VTCN1: variants seen among roughly 807,000 people sequenced by gnomAD.
VTCN1 encodes the protein V-set domain-containing T-cell activation inhibitor 1.
In VTCN1, 26 loss-of-function variants were observed where a neutral mutation model predicts 26.5. The ratio of observed to expected loss-of-function variants is 0.98; its 90% CI spans 0.72 to 1.36. VTCN1 has a LOEUF of 1.36. Among genes scored for constraint, VTCN1 ranks in the 40% most tolerant of loss-of-function variants. The pLI is 0.00. For missense variants in VTCN1, 298 were observed against 337.7 expected, an observed-to-expected ratio of 0.88 and a Z score of 0.92; for synonymous variants, 116 against 130.7, an observed-to-expected ratio of 0.89 and a Z score of 0.77.
Position 117,147,905 on chromosome 1 carries a change from T to TG in VTCN1, c.725-124_725-123insC, listed in dbSNP as rs527856188. 4.5e-4 allele frequency: 597 copies of TG among 1,327,746 alleles called. 6 individuals are homozygous for TG. The African/African-American group carries it at 8.0e-3, about 18-fold the overall frequency. The allele number at this position is 1,327,746 out of a possible 1,614,324, so 82.2% of individuals were successfully genotyped here. The stretch of plus-strand genomic sequence containing the variant: ...AAGTTGTTCCTAATTCAGGCAATTT[T>TG]TTACCCCTTTGCCCACCTCTCCGTA... On this transcript the variant is annotated intron_variant, in intron 4 of 5. Transcript: ENST00000369458. The surrounding 1 kb of genome is among the most constrained non-coding windows in gnomAD (Gnocchi z 4.6).
chr1:117,151,749 T>A (rs1306268557), intron 4 of VTCN1, among the ~76,000 whole-genome samples: 2 of 152,246 alleles, frequency 1.3e-5, no homozygotes, highest in Non-Finnish European at 2.9e-5. Context: ...TTCTTTTTTT[T>A]AATTGTTTTG....
At chr1:117,199,225 C>CTTCT (rs35366183) in intron 1 of VTCN1, among the ~76,000 whole-genome samples, 137,468 of 152,008 alleles carry the variant, frequency 0.9, 62,847 homozygotes, top group Non-Finnish European at 0.97. Flanking sequence ...ATTAAACAGA[C>CTTCT]TTAAGTCTAT....
chr1:117,184,229 C>A (rs1647821418), intron 1 of VTCN1, among the ~76,000 whole-genome samples: 1 of 152,134 alleles, frequency 6.6e-6, no homozygotes, highest in Non-Finnish European at 1.5e-5. Context: ...TGCTGTGCAG[C>A]AGTCCAAGCT....
chr1:117,174,527 G>A (rs1168730200), intron 1 of VTCN1, among the ~76,000 whole-genome samples: 4 of 152,200 alleles, frequency 2.6e-5, no homozygotes, highest in Non-Finnish European at 1.5e-5. Context: ...AGCACTTTGG[G>A]AGGCCGAGGC....
chr1:117,208,615 C>A (rs1211125566), intron 1 of VTCN1, among the ~76,000 whole-genome samples: 1 of 152,124 alleles, frequency 6.6e-6, no homozygotes, highest in Non-Finnish European at 1.5e-5. Context: ...GGTTTTCTAC[C>A]CCTGTCCTCC....
intron 1 of VTCN1, among the ~76,000 whole-genome samples, chr1:117,195,063 C>T (rs1017549917): frequency 3.6e-5 from 5 of 139,196 alleles, no homozygotes; most frequent in Admixed American, 7.0e-5. Flanking sequence ...GTCAGGAGTT[C>T]GAGACCAGCC....
intron 1 of VTCN1, among the ~76,000 whole-genome samples, chr1:117,191,073 A>G (rs1012057675): frequency 6.6e-6 from 1 of 152,214 alleles, no homozygotes; most frequent in Non-Finnish European, 1.5e-5. Context: ...AGAAACAAAA[A>G]CCATAAAGAA....
intron 1 of VTCN1, among the ~76,000 whole-genome samples, chr1:117,172,633 G>A (rs1380060496): frequency 2.0e-5 from 3 of 151,788 alleles, no homozygotes; most frequent in African/African-American, 7.3e-5. Context: ...TATAAAGGCT[G>A]CATGTGTCCC....
intron 1 of VTCN1, among the ~76,000 whole-genome samples, chr1:117,185,493 C>A (rs532675326): frequency 3.7e-4 from 56 of 151,788 alleles, no homozygotes; most frequent in Non-Finnish European, 6.3e-4. Context: ...TGAATGGACC[C>A]CTCCTCTTGG....
At chr1:117,164,034 C>T (rs1449376101) in intron 2 of VTCN1, among the ~76,000 whole-genome samples, 1 of 152,110 alleles carries the variant, frequency 6.6e-6, no homozygotes, top group Non-Finnish European at 1.5e-5. Flanking sequence ...TGTATGTCTG[C>T]TGCTTGAACC....
At chr1:117,172,054 C>T (rs1400912898) in intron 1 of VTCN1, among the ~76,000 whole-genome samples, 1 of 152,232 alleles carries the variant, frequency 6.6e-6, no homozygotes, top group Admixed American at 6.5e-5. Context: ...CATACATCAT[C>T]GGTCAGACGT....
intron 4 of VTCN1, among the ~76,000 whole-genome samples, chr1:117,152,750 T>C (rs1260628917): frequency 6.6e-6 from 1 of 152,210 alleles, no homozygotes; most frequent in Non-Finnish European, 1.5e-5. Flanking sequence ...ATATCAAAGA[T>C]GTCAAGTAAT....
chr1:117,210,212 TCAGCAGCAGCAGCAG>T (rs71582595), intron 1 of VTCN1, among the ~76,000 whole-genome samples: 15 of 150,236 alleles, frequency 1.0e-4, no homozygotes, highest in South Asian at 2.1e-4. Flanking sequence ...TCTGGGGAGT[TCAGCAGCAGCAGCAG>T]CAGCAGCAGC....
At chr1:117,201,404 C>T (rs79971764) in intron 1 of VTCN1, among the ~76,000 whole-genome samples, 1 of 152,270 alleles carries the variant, frequency 6.6e-6, no homozygotes, top group Admixed American at 6.5e-5. Flanking sequence ...CACAGTAACT[C>T]GGGATTATGG....
chr1:117,209,795 G>A (rs557830854), intron 1 of VTCN1, among the ~76,000 whole-genome samples: 2 of 152,336 alleles, frequency 1.3e-5, no homozygotes, highest in South Asian at 2.1e-4. Context: ...TCAGATAAAC[G>A]TGAGTCGAGT....
chr1:117,202,227 T>A (rs1200635989), intron 1 of VTCN1, among the ~76,000 whole-genome samples: 2 of 152,140 alleles, frequency 1.3e-5, no homozygotes, highest in African/African-American at 4.8e-5. Context: ...ATATAGGAAA[T>A]GGATGAAAGG....
Position 117,161,080 on chromosome 1 carries a change from C to A in VTCN1, c.98-4159G>T, listed in dbSNP as rs1371189321. ...ATGCATGGCCATTCCTGTGGGAGATCTGGGAGACGAATTATGAAAGAGGAC... is the reference window on the plus strand; with the variant it reads ...ATGCATGGCCATTCCTGTGGGAGATATGGGAGACGAATTATGAAAGAGGAC... On this transcript the variant is annotated intron_variant, in intron 2 of 5. Coordinates refer to ENST00000369458, the MANE Select transcript of VTCN1 (RefSeq NM_024626.4). This position sits in a 1 kb window ranked among gnomAD's most constrained non-coding sequence, Gnocchi z 4.3. 2.0e-5 allele frequency among the ~76,000 whole-genome samples: 3 copies of A among 152,168 alleles called. No individual in the cohort carries two copies. Among genetic ancestry groups the A allele is most frequent in the African/African-American group, 7.2e-5 (3 of 41,442 alleles).
In VTCN1 at chr1:117,161,548, T is replaced by A. The variant is rs999316502; in HGVS notation, c.98-4627A>T. On this transcript the variant is annotated intron_variant, in intron 2 of 5. Transcript: ENST00000369458. The surrounding 1 kb of genome is among the most constrained non-coding windows in gnomAD (Gnocchi z 4.3). Reference sequence around the variant, plus strand: ...TTGTGAGCTTTTCAAGAGCAGAAACTGTCTTAATCCTATCTGTAAGTCCTG... The same window carrying A: ...TTGTGAGCTTTTCAAGAGCAGAAACAGTCTTAATCCTATCTGTAAGTCCTG... Among the ~76,000 whole-genome samples, 4 of 152,212 alleles carry A rather than the reference T, an allele frequency of 2.6e-5. No homozygotes were observed. The highest frequency in any genetic ancestry group is 9.7e-5 in the African/African-American group (4 of 41,446).
At chr1:117,173,364 GAACA>G (rs1653026993) in intron 1 of VTCN1, 10 of 402,234 alleles carry the variant, frequency 2.5e-5, no homozygotes, top group Non-Finnish European at 4.2e-6. Flanking sequence ...GGACACAGAT[GAACA>G]CACACACACA....
Sources: allele counts gnomAD v4.1 joint callset (sites outside exome capture counted in the v4.1 genomes callset), GRCh38; gene constraint gnomAD v4.1.1; non-coding constraint Gnocchi (gnomAD v3.1); transcripts MANE v1.5; gene names NCBI Gene and HGNC (gene_info 2026-07-23, HGNC 2026-07-21).